The following MAF variants were observed in gnomAD, a reference collection of about 807,000 sequenced individuals.
MAF encodes transcription factor Maf.
A neutral mutation model predicts 22.0 loss-of-function variants in MAF; 10 were observed. The ratio of observed to expected loss-of-function variants is 0.45; its 90% CI spans 0.28 to 0.77. The LOEUF is 0.77. Ranked by LOEUF, MAF falls within the 30% of genes least tolerant of loss-of-function variation. MAF has a pLI of 0.12. For missense variants in MAF, 544 were observed against 548.4 expected, an observed-to-expected ratio of 0.99 and a Z score of 0.08; for synonymous variants, 337 against 255.8, an observed-to-expected ratio of 1.32 and a Z score of -3.03.
chr16:79,385,695 G>A, the MAF span, among the ~76,000 whole-genome samples: 33 of 152,210 alleles, frequency 2.2e-4, no homozygotes, highest in African/African-American at 7.9e-4. Context: ...AAGGTCAGGA[G>A]TTCAAGATGA....
the MAF span, among the ~76,000 whole-genome samples, chr16:79,433,256 G>A: frequency 8.4e-6 from 1 of 118,568 alleles, no homozygotes. Flanking sequence ...CATAATGTAA[G>A]ATAAGACAAG....
the MAF span, among the ~76,000 whole-genome samples, chr16:79,252,965 G>A: frequency 6.6e-6 from 1 of 152,158 alleles, no homozygotes; most frequent in Non-Finnish European, 1.5e-5. Flanking sequence ...ACGTAAAACT[G>A]CTCTAAAACA....
the MAF span, among the ~76,000 whole-genome samples, chr16:79,375,210 C>T: frequency 1.3e-5 from 2 of 152,184 alleles, no homozygotes; most frequent in African/African-American, 4.8e-5. Flanking sequence ...AGGTTTGATG[C>T]CTCAAGTTGA....
the MAF span, among the ~76,000 whole-genome samples, chr16:79,416,703 A>C: frequency 6.6e-6 from 1 of 152,176 alleles, no homozygotes; most frequent in Non-Finnish European, 1.5e-5. Context: ...AGTTCTGTCC[A>C]AGGCCAAGAA....
chr16:79,528,439 T>G, the MAF span, among the ~76,000 whole-genome samples: 4 of 152,134 alleles, frequency 2.6e-5, no homozygotes, highest in Non-Finnish European at 5.9e-5. Context: ...GCAAAACCCC[T>G]GCCACTTGGG....
the MAF span, among the ~76,000 whole-genome samples, chr16:79,434,463 A>G: frequency 7.7e-4 from 118 of 152,262 alleles, no homozygotes; most frequent in African/African-American, 2.5e-3. Context: ...AAATGTAACA[A>G]TTGGCTCTTG....
At chr16:79,280,398 T>C in the MAF span, among the ~76,000 whole-genome samples, 1 of 152,202 alleles carries the variant, frequency 6.6e-6, no homozygotes, top group Non-Finnish European at 1.5e-5. Context: ...ACCTCTATCC[T>C]CCTATTTTGG....
the MAF span, among the ~76,000 whole-genome samples, chr16:79,288,363 C>G: frequency 6.6e-6 from 1 of 152,110 alleles, no homozygotes; most frequent in Non-Finnish European, 1.5e-5. Context: ...ACATCCTAAG[C>G]CGGTTACATA....
chr16:79,525,033 C>G, the MAF span, among the ~76,000 whole-genome samples: 1 of 152,196 alleles, frequency 6.6e-6, no homozygotes, highest in Non-Finnish European at 1.5e-5. Flanking sequence ...CATTCTTAGT[C>G]CACCAGCTCC....
chr16:79,512,077 T>C, the MAF span, among the ~76,000 whole-genome samples: 1 of 152,220 alleles, frequency 6.6e-6, no homozygotes, highest in Non-Finnish European at 1.5e-5. Flanking sequence ...TTATTCCCTG[T>C]GATGGCGAAC....
At chr16:79,217,756 G>A in the MAF span, among the ~76,000 whole-genome samples, 2 of 152,076 alleles carry the variant, frequency 1.3e-5, no homozygotes, top group Admixed American at 6.5e-5. Flanking sequence ...GGGAGACCTT[G>A]CTGCAACTTA....
chr16:79,303,729 T>G, the MAF span, among the ~76,000 whole-genome samples: 1 of 152,186 alleles, frequency 6.6e-6, no homozygotes, highest in Non-Finnish European at 1.5e-5. Context: ...AGTGCTATAA[T>G]TGGTTATCAG....
chr16:79,566,478 G>A, the MAF span, among the ~76,000 whole-genome samples: 1 of 152,180 alleles, frequency 6.6e-6, no homozygotes, highest in African/African-American at 2.4e-5. Flanking sequence ...GGGAAGGAAG[G>A]GCCCATGGGA....
the MAF span, among the ~76,000 whole-genome samples, chr16:79,350,261 C>A: frequency 2.0e-5 from 3 of 152,158 alleles, no homozygotes; most frequent in Non-Finnish European, 4.4e-5. Flanking sequence ...TTAACCAGCA[C>A]TTCTAAAAGC....
At chr16:79,403,466 C>G in the MAF span, among the ~76,000 whole-genome samples, 2 of 152,178 alleles carry the variant, frequency 1.3e-5, no homozygotes, top group African/African-American at 2.4e-5. Flanking sequence ...GGCAGTGGAT[C>G]AAGTGCCCGC....
chr16:79,473,694 C>A, the MAF span, among the ~76,000 whole-genome samples: 1 of 152,244 alleles, frequency 6.6e-6, no homozygotes, highest in South Asian at 2.1e-4. Flanking sequence ...TTATTCTCCA[C>A]CTGCAGTTAA....
chr16:79,341,612 G>T, the MAF span, among the ~76,000 whole-genome samples: 1 of 152,166 alleles, frequency 6.6e-6, no homozygotes, highest in African/African-American at 2.4e-5. Context: ...CACACTGCTG[G>T]TCATCAGCTA....
At chr16:79,247,236 A>C in the MAF span, among the ~76,000 whole-genome samples, 2 of 152,252 alleles carry the variant, frequency 1.3e-5, no homozygotes, top group Non-Finnish European at 2.9e-5. Flanking sequence ...GGCCTGGTTC[A>C]AGATTCAGCA....
the MAF span, among the ~76,000 whole-genome samples, chr16:79,344,308 A>G: frequency 1.3e-5 from 2 of 152,246 alleles, no homozygotes; most frequent in Non-Finnish European, 2.9e-5. Flanking sequence ...ACTAAGGGCG[A>G]TTAGACCCAA....
Sources: allele counts gnomAD v4.1 joint callset (sites outside exome capture counted in the v4.1 genomes callset), GRCh38; gene constraint gnomAD v4.1.1; transcripts MANE v1.5; gene names NCBI Gene and HGNC (gene_info 2026-07-23, HGNC 2026-07-21).